AGTPBP1: variants seen among roughly 807,000 people sequenced by gnomAD.
The protein encoded by AGTPBP1 is cytosolic carboxypeptidase 1.
In AGTPBP1, 70 loss-of-function variants were observed where a neutral mutation model predicts 143.9. That is an observed-to-expected ratio of 0.49 (90% CI 0.40 to 0.59). AGTPBP1 has a LOEUF of 0.59. AGTPBP1 is among the 20% of genes least tolerant of loss of function. The pLI, the probability that AGTPBP1 is intolerant of heterozygous loss-of-function variation, is 0.00. For synonymous variants in AGTPBP1, 463 were observed against 500.2 expected (o/e 0.93, Z 0.99); for missense variants, 1,229 against 1,464.5 (o/e 0.84, Z 2.62).
chr9:85,661,112 C>T lies in AGTPBP1; in HGVS notation c.663-139G>A, dbSNP rs895588349. 3 of 648,958 alleles carry T rather than the reference C, an allele frequency of 4.6e-6. No homozygotes were observed. The African/African-American group carries it at 5.7e-5, about 12-fold the overall frequency. 40.2% of individuals were successfully genotyped at this position (648,958 alleles called of 1,614,324 possible). On this transcript the variant is annotated intron_variant, in intron 8 of 25. Transcript: ENST00000357081. ...TTTACTCTTGTTTAAGATAATTACA[C>T]ATGGTATTTCTCCGTATGCATCTCT...
chr9:85,655,595 A>G (rs73477760), intron 10 of AGTPBP1, among the ~76,000 whole-genome samples: 5,305 of 152,126 alleles, frequency 0.035, 329 homozygotes, highest in African/African-American at 0.12. Context: ...TTGGGGGGAC[A>G]CTTGGCAAGC....
At chr9:85,753,719 T>C in the AGTPBP1 span, among the ~76,000 whole-genome samples, 1 of 151,724 alleles carries the variant, frequency 6.6e-6, no homozygotes, top group African/African-American at 2.4e-5. Flanking sequence ...GCCACTGCAC[T>C]CCAGCCTGGG....
intron 8 of AGTPBP1, among the ~76,000 whole-genome samples, chr9:85,667,135 T>G (rs1834178783): frequency 6.6e-6 from 1 of 152,138 alleles, no homozygotes; most frequent in Admixed American, 6.6e-5. Flanking sequence ...ACCAATATTC[T>G]GTGTTACTGA....
At chr9:85,739,665 G>T (rs1480770082) in intron 1 of AGTPBP1, among the ~76,000 whole-genome samples, 1 of 145,482 alleles carries the variant, frequency 6.9e-6, no homozygotes, top group African/African-American at 2.6e-5. Flanking sequence ...CCAAGATCGT[G>T]CCACTGCACT....
intron 1 of AGTPBP1, among the ~76,000 whole-genome samples, chr9:85,736,430 C>T (rs781511137): frequency 6.6e-6 from 1 of 152,170 alleles, no homozygotes. Flanking sequence ...CATTTCTGTG[C>T]ATTTGATATC....
intron 1 of AGTPBP1, among the ~76,000 whole-genome samples, chr9:85,728,495 T>C (rs1395124991): frequency 2.0e-5 from 3 of 152,212 alleles, no homozygotes; most frequent in Admixed American, 6.5e-5. Flanking sequence ...GTAATGAACA[T>C]TTAGCTGCAA....
chr9:85,719,308 T>C (rs1837944431), intron 1 of AGTPBP1, among the ~76,000 whole-genome samples: 1 of 152,228 alleles, frequency 6.6e-6, no homozygotes, highest in Non-Finnish European at 1.5e-5. Flanking sequence ...GCATGGAATG[T>C]TCTTCCATTT....
chr9:85,786,310 C>T, the AGTPBP1 span: 37 of 1,606,644 alleles, frequency 2.3e-5, 1 homozygote, highest in South Asian at 3.9e-4. Context: ...TTTAGCACCC[C>T]CCAGTGGGCA....
chr9:85,677,122 C>A lies in AGTPBP1; in HGVS notation c.436+314G>T, dbSNP rs146681170. Among the ~76,000 whole-genome samples the A allele has an allele frequency of 3.9e-5, 6 of 152,028 alleles. No homozygotes were observed. The East Asian group carries it at 1.2e-3, about 29-fold the overall frequency. On this transcript the variant is annotated intron_variant, in intron 6 of 25. Transcript: ENST00000357081. Reference sequence around the variant, plus strand: ...GAAGGAATAACATCCAGTGGTAACACAATAGGGCAAGTATAGCTAATAATA... The same window carrying A: ...GAAGGAATAACATCCAGTGGTAACAAAATAGGGCAAGTATAGCTAATAATA...
At chr9:85,597,896 T>C (rs1230375645) in intron 17 of AGTPBP1, among the ~76,000 whole-genome samples, 2 of 152,162 alleles carry the variant, frequency 1.3e-5, no homozygotes, top group Non-Finnish European at 1.5e-5. Flanking sequence ...AATTTTTCCA[T>C]CTAAGTTCTT....
At chr9:85,624,105 G>A (rs946376426) in intron 14 of AGTPBP1, among the ~76,000 whole-genome samples, 3 of 152,164 alleles carry the variant, frequency 2.0e-5, no homozygotes, top group African/African-American at 7.2e-5. Flanking sequence ...AACACTATAA[G>A]AAATCATTTA....
intron 10 of AGTPBP1, 45 bp downstream of exon 10, chr9:85,657,390 A>G (rs1833588139): frequency 1.4e-6 from 2 of 1,471,408 alleles, no homozygotes; most frequent in Admixed American, 1.9e-5. Context: ...CAACCAAATC[A>G]TATTATTAGT....
At chr9:85,733,955 T>C (rs1354868215) in intron 1 of AGTPBP1, among the ~76,000 whole-genome samples, 2 of 152,126 alleles carry the variant, frequency 1.3e-5, no homozygotes, top group African/African-American at 4.8e-5. Context: ...TAATCAGTAA[T>C]TAAAAACCTC....
In AGTPBP1 at chr9:85,677,591, TAAA is replaced by T. The variant is rs78796290; in HGVS notation, c.290-12_290-10del. On this transcript the variant is annotated splice_polypyrimidine_tract_variant and intron_variant, in intron 5 of 25. Coordinates refer to ENST00000357081, the MANE Select transcript of AGTPBP1 (RefSeq NM_001330701.2). ...CACTCTTCGACCTCCACCTAAAAAT[TAAA>T]AAAAAAAAAAATTTAAACAACAAAT... 7 of 1,166,192 alleles carry T rather than the reference TAAA, an allele frequency of 6.0e-6. No homozygotes were observed. Among genetic ancestry groups the T allele is most frequent in the South Asian group, 5.3e-5 (3 of 57,024 alleles). 72.2% of individuals were successfully genotyped at this position (1,166,192 alleles called of 1,614,324 possible). A position where few individuals can be genotyped will look rare whatever the true frequency, so the allele number is the denominator to read the frequency against.
the AGTPBP1 span, chr9:85,764,691 T>G: frequency 2.1e-6 from 2 of 973,126 alleles, no homozygotes; most frequent in East Asian, 4.8e-5. Flanking sequence ...GGGTGTCTGG[T>G]GGGTTGTATC....
intron 25 of AGTPBP1, among the ~76,000 whole-genome samples, chr9:85,551,851 A>C (rs918750390): frequency 6.6e-6 from 1 of 152,234 alleles, no homozygotes; most frequent in Non-Finnish European, 1.5e-5. Context: ...AATCGCTTTA[A>C]ATAAGCAGAT....
At chr9:85,579,615 G>T (rs898554968) in intron 23 of AGTPBP1, among the ~76,000 whole-genome samples, 2 of 149,770 alleles carry the variant, frequency 1.3e-5, no homozygotes, top group Admixed American at 6.7e-5. Flanking sequence ...CGAGGGGGGG[G>T]GTGTAAGGCT....
intron 17 of AGTPBP1, among the ~76,000 whole-genome samples, chr9:85,604,660 A>G (rs1220207981): frequency 6.6e-6 from 1 of 152,170 alleles, no homozygotes; most frequent in African/African-American, 2.4e-5. Flanking sequence ...ATCCTGGAGA[A>G]ACAGAAATAT....
At chr9:85,773,349 T>TTTTTTTTG in the AGTPBP1 span, among the ~76,000 whole-genome samples, 1 of 129,728 alleles carries the variant, frequency 7.7e-6, no homozygotes, top group African/African-American at 3.6e-5. Context: ...TTTTTTTTTT[T>TTTTTTTTG]TGCGGCGGAG....
Sources: allele counts gnomAD v4.1 joint callset (sites outside exome capture counted in the v4.1 genomes callset), GRCh38; gene constraint gnomAD v4.1.1; transcripts MANE v1.5; gene names NCBI Gene and HGNC (gene_info 2026-07-23, HGNC 2026-07-21).